The following DDIAS variants were observed in gnomAD, a reference collection of about 807,000 sequenced individuals.
DDIAS encodes the protein DNA damage-induced apoptosis suppressor protein.
DDIAS carries 14 observed loss-of-function variants against 15.7 expected under a neutral mutation model. That is an observed-to-expected ratio of 0.89 (90% confidence interval 0.59 to 1.39). DDIAS has a LOEUF of 1.39. Ranked by LOEUF, DDIAS falls within the 40% of genes most tolerant of loss-of-function variation. The pLI is 0.00. For missense variants in DDIAS, 1,035 were observed against 1,130.9 expected, an observed-to-expected ratio of 0.92 and a Z score of 1.22; for synonymous variants, 355 against 395.9, an observed-to-expected ratio of 0.90 and a Z score of 1.23.
chr11:82,932,578 G>A lies in DDIAS; in HGVS notation c.1240G>A (p.Asp414Asn), dbSNP rs774504219. 4 of 1,614,118 alleles carry A rather than the reference G, an allele frequency of 2.5e-6. No homozygotes were observed. The South Asian group carries it at 4.4e-5, about 18-fold the overall frequency. Residue 414 changes from aspartate to asparagine, a missense_variant, in exon 6 of 6, where the codon GAT becomes AAT. By Grantham distance (23) the Asp-to-Asn change is conservative. Coordinates refer to ENST00000533655, the MANE Select transcript of DDIAS (RefSeq NM_145018.4). Reference sequence around the variant, plus strand: ...CCAGGATGGTGACCCTCAAATTTGGGATGATCTGCCATTCTCTGAAAGCCT... The same window carrying A: ...CCAGGATGGTGACCCTCAAATTTGGAATGATCTGCCATTCTCTGAAAGCCT... ...SSQDGDPQIW[D>N]DLPFSESLNK...
chr11:82,913,692 T>TA (rs1300463004), intron 2 of DDIAS: 4 of 446,754 alleles, frequency 9.0e-6, no homozygotes, highest in Non-Finnish European at 1.8e-5. Flanking sequence ...AATAAAGTGA[T>TA]ATTTCAGCTA....
At chr11:82,924,718 G>A (rs1439897868) in intron 3 of DDIAS, among the ~76,000 whole-genome samples, 3 of 152,080 alleles carry the variant, frequency 2.0e-5, no homozygotes, top group African/African-American at 7.2e-5. Context: ...AGGAGTCTGA[G>A]GTGGGAGGAT....
chr11:82,907,428 C>A (rs1860454115), intron 1 of DDIAS, among the ~76,000 whole-genome samples: 1 of 152,128 alleles, frequency 6.6e-6, no homozygotes, highest in South Asian at 2.1e-4. Flanking sequence ...TAAAGAAAGA[C>A]TTTTTAGGGG....
chr11:82,933,526 C>T lies in DDIAS; in HGVS notation c.2188C>T (p.Pro730Ser), dbSNP rs1861048105. The T allele has an allele frequency of 6.2e-7, 1 of 1,614,008 alleles. No homozygotes were observed. The highest frequency in any genetic ancestry group is 8.5e-7 in the Non-Finnish European group (1 of 1,179,952). The change falls in exon 6 of 6, where the codon CCT (proline) becomes TCT (serine). Residue 730 changes from proline to serine, a missense_variant. Transcript: ENST00000533655. ...LRSLSEDFIQPSQKLSLQSLS... is the reference protein window; with the variant it reads ...LRSLSEDFIQSSQKLSLQSLS... ...ATCACTTTCTGAAGACTTCATCCAG[C>T]CTTCACAAAAATTATCCTTGCAAAG...
At chr11:82,931,584 T>C (rs1404595211) in intron 5 of DDIAS, 148 bp from the exon 6 acceptor site, 2 of 673,534 alleles carry the variant, frequency 3.0e-6, no homozygotes, top group Non-Finnish European at 4.9e-6. Flanking sequence ...TCTCAAACTC[T>C]TGAGGCTCAA....
chr11:82,926,478 G>A (rs772294254), intron 3 of DDIAS, among the ~76,000 whole-genome samples: 1 of 152,168 alleles, frequency 6.6e-6, no homozygotes, highest in African/African-American at 2.4e-5. Flanking sequence ...GAGTATTAAA[G>A]GAGTGTGAAA....
intron 3 of DDIAS, among the ~76,000 whole-genome samples, chr11:82,918,784 C>T (rs183882459): frequency 1.3e-5 from 2 of 151,904 alleles, no homozygotes; most frequent in East Asian, 1.9e-4. Flanking sequence ...AGGTCTTTTG[C>T]CTCCTTGGTT....
In DDIAS at chr11:82,931,771, A is replaced by C. The variant is rs767105551; in HGVS notation, c.433A>C (p.Asn145His). The C allele has an allele frequency of 6.2e-7, 1 of 1,608,802 alleles. No homozygotes were observed. Among genetic ancestry groups the C allele is most frequent in the Non-Finnish European group, 8.5e-7 (1 of 1,178,510 alleles). The stretch of plus-strand genomic sequence containing the variant: ...ACCTGGACAAGGTTCAGATGCCAGT[A>C]ACTTCTTACAGCAATGCTCTGACCA... ...NQPGQGSDAS[N>H]FLQQCSDHKR... The change falls in exon 6 of 6, where the codon AAC becomes CAC. Residue 145 changes from asparagine to histidine, a missense_variant. Physicochemically the swap from Asn to His is moderately conservative, Grantham distance 68. Transcript: ENST00000533655.
At chr11:82,904,818 C>A (rs1860393300) in intron 1 of DDIAS, among the ~76,000 whole-genome samples, 1 of 152,136 alleles carries the variant, frequency 6.6e-6, no homozygotes, top group African/African-American at 2.4e-5. Context: ...ACAAAACCAT[C>A]TCTAGAATGA....
At chr11:82,923,965 C>G (rs1860807624) in intron 3 of DDIAS, among the ~76,000 whole-genome samples, 1 of 152,118 alleles carries the variant, frequency 6.6e-6, no homozygotes, top group Admixed American at 6.5e-5. Flanking sequence ...TAGAAATTGC[C>G]CTTCTGGGTG....
At chr11:82,930,536 T>C (rs1163703811) in intron 5 of DDIAS, among the ~76,000 whole-genome samples, 1 of 152,086 alleles carries the variant, frequency 6.6e-6, no homozygotes, top group African/African-American at 2.4e-5. Context: ...ATGTTAGATA[T>C]TTGTTTTTGG....
intron 5 of DDIAS, among the ~76,000 whole-genome samples, chr11:82,931,176 C>T (rs968075663): frequency 2.6e-5 from 4 of 152,060 alleles, no homozygotes; most frequent in Admixed American, 1.3e-4. Flanking sequence ...TCCAAAGTCT[C>T]AACACTATTA....
chr11:82,904,079 T>C (rs1433535824), intron 1 of DDIAS, among the ~76,000 whole-genome samples: 2 of 152,194 alleles, frequency 1.3e-5, no homozygotes, highest in African/African-American at 4.8e-5. Flanking sequence ...CCTGATTAAC[T>C]TCTCTGAGTG....
Position 82,932,318 on chromosome 11 carries a change from G to A in DDIAS, c.980G>A (p.Ser327Asn), listed in dbSNP as rs1173165837. 2 of 1,613,942 alleles carry A rather than the reference G, an allele frequency of 1.2e-6. No homozygotes were observed. The highest frequency in any genetic ancestry group is 1.7e-5 in the Admixed American group (1 of 60,008). The change falls in exon 6 of 6, where the codon AGC (serine) becomes AAC (asparagine). Residue 327 changes from serine to asparagine, a missense_variant. By Grantham distance (46) the Ser-to-Asn change is conservative (BLOSUM62 1). Transcript: ENST00000533655. ...LQAKELSAVH[S>N]SHHEIGVNDS... ...GCTAAGGAGCTGAGTGCAGTTCACA[G>A]CAGTCATCATGAAATTGGAGTTAAT...
At chr11:82,905,414 T>G (rs886340694) in intron 1 of DDIAS, among the ~76,000 whole-genome samples, 12 of 152,192 alleles carry the variant, frequency 7.9e-5, no homozygotes, top group Non-Finnish European at 1.5e-4. Context: ...TAGATTGTAT[T>G]TATTGATTTT....
intron 1 of DDIAS, among the ~76,000 whole-genome samples, chr11:82,911,853 G>A (rs564113106): frequency 1.3e-5 from 2 of 152,354 alleles, no homozygotes; most frequent in South Asian, 4.1e-4. Context: ...TGATCCATGA[G>A]TAGAGAATGG....
At chr11:82,931,549 G>A (rs1860986010) in intron 5 of DDIAS, among the ~76,000 whole-genome samples, 183 bp from the exon 6 acceptor site, 1 of 151,994 alleles carries the variant, frequency 6.6e-6, no homozygotes, top group Admixed American at 6.6e-5. Context: ...TTAGAGGAGA[G>A]GTTTTACCAT....
rs1352089505 is a variant in DDIAS, at chr11:82,933,221, G to C, written c.1883G>C (p.Cys628Ser). 2 of 1,611,698 alleles carry C rather than the reference G, an allele frequency of 1.2e-6. No homozygotes were observed. The highest frequency in any genetic ancestry group is 1.7e-6 in the Non-Finnish European group (2 of 1,179,528). ...SKNQDDSFTI[C>S]RKLTYPLETL... ...AACCAAGATGACAGTTTTACAATTTGCAGGAAACTTACATATCCTTTAGAA... is the reference window on the plus strand; with the variant it reads ...AACCAAGATGACAGTTTTACAATTTCCAGGAAACTTACATATCCTTTAGAA... Residue 628 changes from cysteine (C) to serine (S), a missense_variant, in exon 6 of 6, where the codon TGC becomes TCC. Transcript: ENST00000533655.
In DDIAS at chr11:82,914,220, C is replaced by A. The variant is rs1590802147; in HGVS notation, c.-16-503C>A. On this transcript the variant is annotated intron_variant, in intron 2 of 5. Transcript: ENST00000533655. ...AAAGTGCTGGGATTACAGGCATGAG[C>A]CACCACGCCCGGCCACAATACTTTT... 19 of 233,874 alleles carry A rather than the reference C, an allele frequency of 8.1e-5. No homozygotes were observed. In the South Asian group the frequency reaches 8.5e-4, roughly 10 times the overall value. The allele number at this position is 233,874 out of a possible 1,614,324, so 14.5% of individuals were successfully genotyped here. A position where few individuals can be genotyped will look rare whatever the true frequency, so the allele number is the denominator to read the frequency against.
Sources: allele counts gnomAD v4.1 joint callset (sites outside exome capture counted in the v4.1 genomes callset), GRCh38; gene constraint gnomAD v4.1.1; transcripts MANE v1.5; gene names NCBI Gene and HGNC (gene_info 2026-07-23, HGNC 2026-07-21).